Variants in FAM193A observed in about 807,000 individuals in gnomAD.
The protein encoded by FAM193A is protein FAM193A.
FAM193A carries 22 observed loss-of-function variants against 126.5 expected under a neutral mutation model. That is an observed-to-expected ratio of 0.17 (90% CI 0.12 to 0.25). FAM193A has a LOEUF of 0.25. FAM193A is among the 10% of genes least tolerant of loss of function. FAM193A has a pLI of 1.00. For missense variants in FAM193A, 1,675 were observed against 1,672.8 expected, an observed-to-expected ratio of 1.00 and a Z score of -0.02; for synonymous variants, 761 against 646.8, an observed-to-expected ratio of 1.18 and a Z score of -2.68.
chr4:2,608,174 A>C, intron 2 of FAM193A: 1 of 1,547,156 alleles, frequency 6.5e-7, no homozygotes, highest in Non-Finnish European at 8.9e-7. Flanking sequence ...TAAAATACCA[A>C]GAGGACTTCA....
chr4:2,552,419 G>C (rs1737986567), intron 1 of FAM193A, among the ~76,000 whole-genome samples: 1 of 152,128 alleles, frequency 6.6e-6, no homozygotes, highest in South Asian at 2.1e-4. Flanking sequence ...CCAAAGTGCT[G>C]GGATTATAGG....
Position 2,728,664 on chromosome 4 carries a change from G to C in FAM193A, c.4455-3111G>C, listed in dbSNP as rs547324941. Among the ~76,000 whole-genome samples, 33 of 152,192 alleles carry C rather than the reference G, an allele frequency of 2.2e-4. No individual in the cohort carries two copies. In the South Asian group the frequency reaches 5.0e-3, roughly 23 times the overall value. ...CTTAATTTTGGTCTCATGCATGTCTGTGTGTGTTGGCTTTGAGTCGTTTGT... is the reference window on the plus strand; with the variant it reads ...CTTAATTTTGGTCTCATGCATGTCTCTGTGTGTTGGCTTTGAGTCGTTTGT... On this transcript the variant is annotated intron_variant, in intron 20 of 20. Coordinates refer to ENST00000637812, the MANE Select transcript of FAM193A (RefSeq NM_001366318.2).
chr4:2,541,139 G>A (rs1246601481), intron 1 of FAM193A, among the ~76,000 whole-genome samples: 10 of 151,744 alleles, frequency 6.6e-5, no homozygotes, highest in African/African-American at 1.7e-4. Flanking sequence ...GTGTGGTGGC[G>A]CATGCCTGTA....
intron 5 of FAM193A, among the ~76,000 whole-genome samples, chr4:2,631,607 G>T (rs1200951114): frequency 6.6e-6 from 1 of 152,182 alleles, no homozygotes; most frequent in African/African-American, 2.4e-5. Flanking sequence ...CTTGTTTACC[G>T]CCCAGTGGCG....
intron 1 of FAM193A, among the ~76,000 whole-genome samples, chr4:2,591,373 C>T (rs1371172717): frequency 1.3e-5 from 2 of 152,084 alleles, no homozygotes; most frequent in East Asian, 1.9e-4. Flanking sequence ...TCTTTTTAGG[C>T]AGCAGGAACA....
intron 20 of FAM193A, among the ~76,000 whole-genome samples, chr4:2,725,132 G>T (rs550459449): frequency 2.0e-5 from 3 of 151,836 alleles, no homozygotes; most frequent in Admixed American, 6.6e-5. Flanking sequence ...ACCTACCTCC[G>T]CCTCCCAAAG....
At chr4:2,668,655 A>T (rs1333634569) in intron 12 of FAM193A, among the ~76,000 whole-genome samples, 1 of 152,146 alleles carries the variant, frequency 6.6e-6, no homozygotes. Flanking sequence ...TTACATTTGT[A>T]TATGTTACAA....
At chr4:2,626,376 G>T in intron 3 of FAM193A, 34 bp from the exon 4 acceptor site, 1 of 684,898 alleles carries the variant, frequency 1.5e-6, no homozygotes, top group South Asian at 1.5e-5. Context: ...AGCAGATTGT[G>T]GTGACTTTCT....
intron 1 of FAM193A, among the ~76,000 whole-genome samples, chr4:2,557,224 T>G (rs1242838671): frequency 6.6e-6 from 1 of 152,146 alleles, no homozygotes; most frequent in African/African-American, 2.4e-5. Context: ...TCAGAATATC[T>G]TATTATACTG....
intron 2 of FAM193A, among the ~76,000 whole-genome samples, chr4:2,605,035 C>T (rs753973512): frequency 8.6e-5 from 13 of 151,246 alleles, no homozygotes; most frequent in South Asian, 2.1e-4. Context: ...TCTTGAACTC[C>T]GGCGCCCAAG....
Position 2,626,495 on chromosome 4 carries a change from C to G in FAM193A, c.721C>G (p.Arg241Gly), listed in dbSNP as rs772616627. ...EVRYTVRCIY[R>G]QAGTPLADDQ... ...GCGCTACACGGTGCGCTGCATCTAC[C>G]GCCAGGCAGGAACCCCGCTGGCAGA... Residue 241 changes from arginine to glycine, a missense_variant, in exon 4 of 21, where the codon CGC (arginine) becomes GGC (glycine). Coordinates refer to ENST00000637812, the MANE Select transcript of FAM193A (RefSeq NM_001366318.2). The G allele has an allele frequency of 5.7e-6, 4 of 702,614 alleles. No individual in the cohort carries two copies. The South Asian group carries it at 5.9e-5, about 10-fold the overall frequency. 43.5% of individuals were successfully genotyped at this position (702,614 alleles called of 1,614,324 possible).
At chr4:2,560,794 C>T (rs1738564110) in intron 1 of FAM193A, among the ~76,000 whole-genome samples, 1 of 151,944 alleles carries the variant, frequency 6.6e-6, no homozygotes, top group African/African-American at 2.4e-5. Context: ...TCTTTCTTCC[C>T]TTCCTCTTCC....
chr4:2,537,814 G>C (rs1436407567), intron 1 of FAM193A, among the ~76,000 whole-genome samples: 1 of 152,180 alleles, frequency 6.6e-6, no homozygotes, highest in African/African-American at 2.4e-5. Context: ...GCTTTGTTAA[G>C]TTTTCAGGGG....
rs965597528 is a variant in FAM193A, at chr4:2,710,826, C to T, written c.4373-5197C>T. ...AGCCTACCTTGTTAATTTCTGCTTT[C>T]GTCTTTATTTTCTTTCTGTGCTTTC... On this transcript the variant is annotated intron_variant, in intron 19 of 20. Transcript: ENST00000637812. Among the ~76,000 whole-genome samples, 13 of 147,810 alleles carry T rather than the reference C, an allele frequency of 8.8e-5. No homozygotes were observed. In the East Asian group the frequency reaches 1.2e-3, roughly 14 times the overall value.
At chr4:2,591,267 G>A (rs974292656) in intron 1 of FAM193A, among the ~76,000 whole-genome samples, 2 of 152,126 alleles carry the variant, frequency 1.3e-5, no homozygotes, top group Non-Finnish European at 2.9e-5. Context: ...TGGGGCGGGA[G>A]TGTGGAACTG....
intron 20 of FAM193A, among the ~76,000 whole-genome samples, chr4:2,730,297 A>C (rs1721226359): frequency 6.6e-6 from 1 of 152,254 alleles, no homozygotes; most frequent in Non-Finnish European, 1.5e-5. Flanking sequence ...TGACACAGGA[A>C]TCCTTTTAAA....
At chr4:2,700,979 G>T (rs1412168708) in intron 19 of FAM193A, among the ~76,000 whole-genome samples, 3 of 151,660 alleles carry the variant, frequency 2.0e-5, no homozygotes, top group East Asian at 1.9e-4. Flanking sequence ...TACATATAGA[G>T]AGAGAGAGGA....
intron 2 of FAM193A, among the ~76,000 whole-genome samples, chr4:2,598,832 A>C (rs751028082): frequency 1.3e-5 from 2 of 152,024 alleles, no homozygotes; most frequent in Admixed American, 1.3e-4. Flanking sequence ...GTCTCTCTCT[A>C]CTTCCTCCTT....
In FAM193A at chr4:2,732,044, T is replaced by C; in HGVS notation, c.*176T>C. The C allele has an allele frequency of 1.6e-6, 1 of 637,068 alleles. No individual in the cohort carries two copies. The highest frequency in any genetic ancestry group is 2.8e-6 in the Non-Finnish European group (1 of 353,174). The allele number at this position is 637,068 out of a possible 1,614,324, so 39.5% of individuals were successfully genotyped here. A position where few individuals can be genotyped will look rare whatever the true frequency, so the allele number is the denominator to read the frequency against. ...GCTCGGCCCACGCCGTTAGCTCGTGTGCGTGTAGTCTGTGCGTGAGACTCC... is the reference window on the plus strand; with the variant it reads ...GCTCGGCCCACGCCGTTAGCTCGTGCGCGTGTAGTCTGTGCGTGAGACTCC... On this transcript the variant is annotated 3_prime_UTR_variant, in exon 21 of 21. Transcript: ENST00000637812.
Sources: allele counts gnomAD v4.1 joint callset (sites outside exome capture counted in the v4.1 genomes callset), GRCh38; gene constraint gnomAD v4.1.1; transcripts MANE v1.5; gene names NCBI Gene and HGNC (gene_info 2026-07-23, HGNC 2026-07-21).